Variants in LTO1 observed in about 807,000 individuals in gnomAD.
LTO1 encodes protein LTO1 homolog.
A neutral mutation model predicts 19.8 loss-of-function variants in LTO1; 18 were observed. The ratio of observed to expected loss-of-function variants is 0.91; its 90% CI spans 0.63 to 1.35. The LOEUF (loss-of-function observed/expected upper bound fraction) is 1.35, where lower values mean the gene tolerates loss of function less well. Ranked by LOEUF, LTO1 falls within the 40% of genes most tolerant of loss-of-function variation. LTO1 has a pLI of 0.00. For missense variants in LTO1, 175 were observed against 167.9 expected (o/e 1.04, Z -0.23); for synonymous variants, 59 against 59.6 (o/e 0.99, Z 0.05).
In LTO1 at chr11:69,666,550, G is replaced by A. The variant is rs1020526389; in HGVS notation, c.*969C>T. Reference sequence around the variant, plus strand: ...CTGTATGACGCCTCGTAAGGACAGAGACAAAAGAGCTCCTAGGAGAGGGGA... The same window carrying A: ...CTGTATGACGCCTCGTAAGGACAGAAACAAAAGAGCTCCTAGGAGAGGGGA... On this transcript the variant is annotated 3_prime_UTR_variant, in exon 5 of 5. Transcript: ENST00000279147. The A allele has an allele frequency of 3.3e-5, 5 of 152,290 alleles. No individual in the cohort carries two copies. The highest frequency in any genetic ancestry group is 9.6e-5 in the African/African-American group (4 of 41,462). The allele number at this position is 152,290 out of a possible 1,614,324, so 9.4% of individuals were successfully genotyped here.
rs1565080841 is a variant in LTO1, at chr11:69,675,005, G to GC, written c.50+184dup. On this transcript the variant is annotated intron_variant, in intron 1 of 4. Transcript: ENST00000279147. ...CTGGGCACGTGCCCCGCCGGAGCGG[G>GC]CCAGGAGAAGAGGACCAGAGCATCA... 3 of 696,766 alleles carry GC rather than the reference G, an allele frequency of 4.3e-6. No individual in the cohort carries two copies. The East Asian group carries it at 8.1e-5, about 19-fold the overall frequency. The allele number at this position is 696,766 out of a possible 1,614,324, so 43.2% of individuals were successfully genotyped here. A position where few individuals can be genotyped will look rare whatever the true frequency, so the allele number is the denominator to read the frequency against.
chr11:69,667,700 T>G, intron 4 of LTO1, 113 bp from the exon 5 acceptor site: 1 of 809,604 alleles, frequency 1.2e-6, no homozygotes, highest in Non-Finnish European at 2.1e-6. Context: ...AGCCCATAAA[T>G]GAGTTCTAAC....
intron 1 of LTO1, 119 bp downstream of exon 1, chr11:69,675,067 GCTCC>G: frequency 1.2e-6 from 1 of 825,870 alleles, no homozygotes; most frequent in Non-Finnish European, 2.0e-6. Flanking sequence ...GCCACCAGGC[GCTCC>G]CCAATGCGCA....
In LTO1 at chr11:69,666,274, A is replaced by G. The variant is rs1010546683; in HGVS notation, c.*1245T>C. The stretch of plus-strand genomic sequence containing the variant: ...CAGCTTAGGCAGCACAACACAATCC[A>G]CTAGGACATTCGGGAATGGTTTTAA... On this transcript the variant is annotated 3_prime_UTR_variant, in exon 5 of 5. Transcript: ENST00000279147. 6.6e-6 allele frequency: 1 copy of G among 152,222 alleles called. No homozygotes were observed. Among genetic ancestry groups the G allele is most frequent in the Non-Finnish European group, 1.5e-5 (1 of 68,052 alleles). The allele number at this position is 152,222 out of a possible 1,614,324, so 9.4% of individuals were successfully genotyped here.
At chr11:69,668,719 T>C (rs1856068041) in intron 3 of LTO1, among the ~76,000 whole-genome samples, 1 of 151,488 alleles carries the variant, frequency 6.6e-6, no homozygotes, top group Non-Finnish European at 1.5e-5. Flanking sequence ...CCTCACAGAC[T>C]TTCAAGAGGA....
At chr11:69,670,397 A>G (rs1856093572) in intron 3 of LTO1, among the ~76,000 whole-genome samples, 1 of 152,236 alleles carries the variant, frequency 6.6e-6, no homozygotes, top group African/African-American at 2.4e-5. Context: ...AGCCAGGCTC[A>G]GCTTTGACTG....
Position 69,672,505 on chromosome 11 carries a change from T to A in LTO1, c.157-686A>T, listed in dbSNP as rs75130965. On this transcript the variant is annotated intron_variant, in intron 2 of 4. Coordinates refer to ENST00000279147, the MANE Select transcript of LTO1 (RefSeq NM_153451.3). ...GGCCACTTATCTGTAAGGGCCAATC[T>A]AGGACAAAGGGCAAGAAGAGAAAAA... 1,104 of 156,498 alleles carry A rather than the reference T, an allele frequency of 7.1e-3. 13 individuals are homozygous for A. Among genetic ancestry groups the A allele is most frequent in the African/African-American group, 0.026 (1,054 of 41,058 alleles). The allele number at this position is 156,498 out of a possible 1,614,324, so 9.7% of individuals were successfully genotyped here.
chr11:69,669,311 C>A (rs371254935), intron 3 of LTO1, among the ~76,000 whole-genome samples: 1 of 152,292 alleles, frequency 6.6e-6, no homozygotes, highest in Admixed American at 6.5e-5. Context: ...TTTTAAAGAA[C>A]TGACAGTTAG....
At chr11:69,671,515 G>A (rs1386419691) in intron 3 of LTO1, 3 of 491,194 alleles carry the variant, frequency 6.1e-6, no homozygotes, top group Non-Finnish European at 1.1e-5. Flanking sequence ...CAGGAGCATA[G>A]AACTCTTGAG....
intron 3 of LTO1, among the ~76,000 whole-genome samples, chr11:69,670,184 T>C (rs1249724485): frequency 5.3e-5 from 8 of 152,214 alleles, no homozygotes; most frequent in Admixed American, 5.2e-4. Flanking sequence ...AAAGCGGTTC[T>C]TCTCTGTTAG....
intron 4 of LTO1, 39 bp from the exon 5 acceptor site, chr11:69,667,626 ATTTTTACTG>A: frequency 7.2e-7 from 1 of 1,395,406 alleles, no homozygotes; most frequent in Admixed American, 1.7e-5. Context: ...AATCTTGTGC[ATTTTTACTG>A]AAAAATGAGA....
In LTO1 at chr11:69,675,335, G is replaced by A. The variant is rs1856176362; in HGVS notation, c.-96C>T. 7 of 1,047,122 alleles carry A rather than the reference G, an allele frequency of 6.7e-6. No individual in the cohort carries two copies. Among genetic ancestry groups the A allele is most frequent in the Middle Eastern group, 5.6e-4 (2 of 3,556 alleles). 64.9% of individuals were successfully genotyped at this position (1,047,122 alleles called of 1,614,324 possible). ...TCAGGCACAAATGCTCCGCTTGGGA[G>A]GAGACGAGACCCACTTCCGGAAGCG... On this transcript the variant is annotated 5_prime_UTR_variant, in exon 1 of 5. Transcript: ENST00000279147.
intron 1 of LTO1, 24 bp downstream of exon 1, chr11:69,675,166 T>G (rs2119857376): frequency 6.3e-7 from 1 of 1,588,194 alleles, no homozygotes; most frequent in Non-Finnish European, 8.6e-7. Context: ...CAGGGCGGGG[T>G]GCGGGCCCGG....
chr11:69,673,861 AC>A (rs1856148550), intron 1 of LTO1, among the ~76,000 whole-genome samples: 1 of 151,510 alleles, frequency 6.6e-6, no homozygotes, highest in African/African-American at 2.4e-5. Context: ...CCTGCAATCC[AC>A]TTTTCTTTTC....
intron 4 of LTO1, 30 bp from the exon 5 acceptor site, chr11:69,667,617 A>T (rs1349452005): frequency 4.1e-6 from 6 of 1,478,610 alleles, no homozygotes; most frequent in Non-Finnish European, 5.7e-6. Flanking sequence ...GGTATTTTTA[A>T]TCTTGTGCAT....
intron 3 of LTO1, among the ~76,000 whole-genome samples, chr11:69,670,969 C>A (rs1246224307): frequency 6.6e-6 from 1 of 152,188 alleles, no homozygotes; most frequent in African/African-American, 2.4e-5. Context: ...GGCATTATCT[C>A]AGCTCACTGC....
chr11:69,672,842 G>A (rs892379668), intron 2 of LTO1: 16 of 305,946 alleles, frequency 5.2e-5, no homozygotes, highest in Non-Finnish European at 7.8e-5. Flanking sequence ...TCATCCTGTC[G>A]CCCAGGCTGC....
rs964475848 is a variant in LTO1 at position 69,675,303 on chromosome 11, G to A, written c.-64C>T. On this transcript the variant is annotated 5_prime_UTR_variant, in exon 1 of 5. Transcript: ENST00000279147. ...AGCCCCGCGGTGCCGTAGCAGACCC[G>A]GCAGCTTCAGGCACAAATGCTCCGC... 1.5e-5 allele frequency: 19 copies of A among 1,262,322 alleles called. No individual in the cohort carries two copies. The Admixed American group carries it at 1.8e-4, about 12-fold the overall frequency. 78.2% of individuals were successfully genotyped at this position (1,262,322 alleles called of 1,614,324 possible). A position where few individuals can be genotyped will look rare whatever the true frequency, so the allele number is the denominator to read the frequency against.
intron 3 of LTO1, among the ~76,000 whole-genome samples, chr11:69,669,921 C>A (rs1353781453): frequency 6.6e-6 from 1 of 151,996 alleles, no homozygotes; most frequent in African/African-American, 2.4e-5. Flanking sequence ...AATGACAATG[C>A]GGTGGCAGGT....
Sources: allele counts gnomAD v4.1 joint callset (sites outside exome capture counted in the v4.1 genomes callset), GRCh38; gene constraint gnomAD v4.1.1; transcripts MANE v1.5; gene names NCBI Gene and HGNC (gene_info 2026-07-23, HGNC 2026-07-21).